Variants in ELMO1 observed in about 807,000 individuals in gnomAD.
ELMO1 encodes the protein engulfment and cell motility protein 1.
Under a neutral mutation model 98.9 loss-of-function variants are expected in ELMO1, and 26 were observed. That is an observed-to-expected ratio of 0.26 (90% CI 0.19 to 0.36). The LOEUF (loss-of-function observed/expected upper bound fraction) is 0.36. Among genes scored for constraint, ELMO1 ranks in the 10% least tolerant of loss-of-function variants. ELMO1 has a pLI of 1.00. For missense variants in ELMO1, 627 were observed against 935.2 expected, an observed-to-expected ratio of 0.67 and a Z score of 4.30; for synonymous variants, 346 against 346.0, an observed-to-expected ratio of 1.00 and a Z score of 0.00.
At chr7:37,401,951 G>T (rs1294402857) in intron 1 of ELMO1, among the ~76,000 whole-genome samples, 1 of 152,160 alleles carries the variant, frequency 6.6e-6, no homozygotes, top group Non-Finnish European at 1.5e-5. Context: ...TTAGATCACA[G>T]ATAGCTCCTT....
intron 7 of ELMO1, among the ~76,000 whole-genome samples, chr7:37,240,044 C>CT (rs397943366): frequency 0.32 from 41,970 of 132,814 alleles, 6,748 homozygotes; most frequent in Middle Eastern, 0.45. Context: ...TTTTTTTTTT[C>CT]TTTTTTTTTT....
chr7:36,947,531 T>A (rs1337621337), intron 16 of ELMO1, among the ~76,000 whole-genome samples: 2 of 152,164 alleles, frequency 1.3e-5, no homozygotes, highest in Non-Finnish European at 2.9e-5. Flanking sequence ...TGATCAGGTG[T>A]TTATCTCCTG....
intron 13 of ELMO1, among the ~76,000 whole-genome samples, chr7:37,201,111 GCTA>G (rs1190743411): frequency 6.6e-6 from 1 of 151,956 alleles, no homozygotes; most frequent in East Asian, 1.9e-4. Context: ...TCCAGAAATG[GCTA>G]CTGTTTAAAA....
rs1805214125 is a variant in ELMO1, at chr7:37,437,842, G to A, written c.-74+10833C>T. Among the ~76,000 whole-genome samples, 2 of 57,920 alleles carry A rather than the reference G, an allele frequency of 3.5e-5. 1 individual carries two copies. The highest frequency in any genetic ancestry group is 3.9e-4 in the Admixed American group (2 of 5,082). 38.0% of individuals were successfully genotyped at this position (57,920 alleles called of 152,430 possible). On this transcript the variant is annotated intron_variant, in intron 1 of 21. Coordinates refer to ENST00000310758, the MANE Select transcript of ELMO1 (RefSeq NM_014800.11). ...AAAAAAATTAGCCGGGCGCGGTGGC[G>A]GGCGCCTGTAGTCCCAGCTACTCGG...
intron 14 of ELMO1, among the ~76,000 whole-genome samples, chr7:37,109,658 G>C (rs770343358): frequency 6.6e-6 from 1 of 152,136 alleles, no homozygotes; most frequent in Non-Finnish European, 1.5e-5. Context: ...TGTTTCCTAG[G>C]TGATGACGCC....
At chr7:36,984,076 G>C (rs557736464) in intron 16 of ELMO1, among the ~76,000 whole-genome samples, 1 of 151,836 alleles carries the variant, frequency 6.6e-6, no homozygotes, top group Non-Finnish European at 1.5e-5. Flanking sequence ...TGACACTAGT[G>C]GGGGAGAGAA....
intron 18 of ELMO1, 28 bp downstream of exon 18, chr7:36,887,532 A>G: frequency 1.2e-6 from 2 of 1,608,620 alleles, no homozygotes; most frequent in South Asian, 2.2e-5. Context: ...TACCCTATCC[A>G]AGTTTGGAGT....
chr7:37,383,115 T>C (rs1461402212), intron 1 of ELMO1, among the ~76,000 whole-genome samples: 1 of 152,228 alleles, frequency 6.6e-6, no homozygotes, highest in East Asian at 1.9e-4. Context: ...TATTATATAA[T>C]CTACAGGCCC....
At chr7:37,123,962 G>A (rs1786296234) in intron 14 of ELMO1, among the ~76,000 whole-genome samples, 2 of 152,122 alleles carry the variant, frequency 1.3e-5, no homozygotes, top group Non-Finnish European at 2.9e-5. Flanking sequence ...CTTCATCCCT[G>A]GGATGCAAGG....
At chr7:37,447,702 C>A (rs562836461) in intron 1 of ELMO1, among the ~76,000 whole-genome samples, 1 of 144,688 alleles carries the variant, frequency 6.9e-6, no homozygotes, top group African/African-American at 2.6e-5. Flanking sequence ...TACATACGCG[C>A]GCGCGCACAC....
chr7:37,182,623 TCATTTG>T (rs1352681524), intron 13 of ELMO1, among the ~76,000 whole-genome samples: 1 of 151,810 alleles, frequency 6.6e-6, no homozygotes, highest in Non-Finnish European at 1.5e-5. Context: ...AAGCGCTTTT[TCATTTG>T]CATTCCTGAG....
At chr7:37,182,146 T>G (rs1357983841) in intron 13 of ELMO1, among the ~76,000 whole-genome samples, 1 of 152,232 alleles carries the variant, frequency 6.6e-6, no homozygotes, top group Admixed American at 6.5e-5. Context: ...CCGAGGCTCC[T>G]AAGTCCAAAG....
At chr7:36,911,303 G>C (rs1315367312) in intron 16 of ELMO1, among the ~76,000 whole-genome samples, 1 of 152,110 alleles carries the variant, frequency 6.6e-6, no homozygotes, top group Non-Finnish European at 1.5e-5. Flanking sequence ...TTTTAGAAAA[G>C]AAGTGGATGC....
chr7:37,255,551 G>A (rs1204105192), intron 6 of ELMO1, among the ~76,000 whole-genome samples: 3 of 152,238 alleles, frequency 2.0e-5, no homozygotes, highest in Admixed American at 6.5e-5. Flanking sequence ...CCGGCCTCTG[G>A]AGGTGAGGGG....
intron 15 of ELMO1, among the ~76,000 whole-genome samples, chr7:37,022,260 C>T (rs1054189953): frequency 6.6e-6 from 1 of 152,074 alleles, no homozygotes; most frequent in Non-Finnish European, 1.5e-5. Flanking sequence ...TTATATTAAA[C>T]TCAAGAACTT....
At chr7:37,290,901 G>A (rs1341780797) in intron 4 of ELMO1, among the ~76,000 whole-genome samples, 1 of 151,956 alleles carries the variant, frequency 6.6e-6, no homozygotes, top group Non-Finnish European at 1.5e-5. Context: ...CAGAGGAAGA[G>A]AAAAAGAAGA....
chr7:37,345,730 C>T (rs913738960), intron 1 of ELMO1, among the ~76,000 whole-genome samples: 2 of 151,878 alleles, frequency 1.3e-5, no homozygotes, highest in Non-Finnish European at 2.9e-5. Context: ...TGGCTCACAC[C>T]TGTAATCCCA....
chr7:36,984,372 T>G (rs1035118700), intron 16 of ELMO1, among the ~76,000 whole-genome samples: 1 of 152,224 alleles, frequency 6.6e-6, no homozygotes, highest in African/African-American at 2.4e-5. Flanking sequence ...CCTGATGCAT[T>G]GTCACCCGCA....
chr7:37,164,548 C>T (rs1340551544), intron 13 of ELMO1, among the ~76,000 whole-genome samples: 1 of 152,322 alleles, frequency 6.6e-6, no homozygotes, highest in Non-Finnish European at 1.5e-5. Context: ...TTTCAGCTTT[C>T]TACATATGGC....
Sources: allele counts gnomAD v4.1 joint callset (sites outside exome capture counted in the v4.1 genomes callset), GRCh38; gene constraint gnomAD v4.1.1; transcripts MANE v1.5; gene names NCBI Gene and HGNC (gene_info 2026-07-23, HGNC 2026-07-21).